The following PPP2R5E variants were observed in gnomAD, a reference collection of about 807,000 sequenced individuals.
PPP2R5E encodes the protein protein phosphatase 2 regulatory subunit B'epsilon.
PPP2R5E carries 4 observed loss-of-function variants against 65.3 expected under a neutral mutation model. The ratio of observed to expected loss-of-function variants is 0.06; its 90% CI spans 0.03 to 0.14. The LOEUF (loss-of-function observed/expected upper bound fraction) is 0.14. PPP2R5E is among the 10% of genes least tolerant of loss of function. PPP2R5E has a pLI of 1.00. For missense variants in PPP2R5E, 274 were observed against 556.1 expected (o/e 0.49, Z 5.10); for synonymous variants, 183 against 187.4 (o/e 0.98, Z 0.19).
intron 1 of PPP2R5E, among the ~76,000 whole-genome samples, chr14:63,542,433 C>CA (rs1893938614): frequency 1.3e-5 from 2 of 152,260 alleles, no homozygotes; most frequent in Non-Finnish European, 2.9e-5. Flanking sequence ...TCCTAACCCA[C>CA]ACCCCAAGCC....
chr14:63,446,873 T>C (rs149110108), intron 3 of PPP2R5E, among the ~76,000 whole-genome samples: 10 of 151,962 alleles, frequency 6.6e-5, no homozygotes, highest in Non-Finnish European at 1.3e-4. Context: ...ATTCATCTCC[T>C]TGTATATCTC....
At chr14:63,493,905 T>C (rs1363865175) in intron 2 of PPP2R5E, among the ~76,000 whole-genome samples, 1 of 152,170 alleles carries the variant, frequency 6.6e-6, no homozygotes, top group East Asian at 1.9e-4. Context: ...GGTTACTTGT[T>C]CTTTTTAAAA....
At position 63,388,409 on chromosome 14, in the gene PPP2R5E, G is replaced by A. The variant is rs530695304; in HGVS notation, c.1074+1203C>T. On this transcript the variant is annotated intron_variant, in intron 11 of 13. Coordinates refer to ENST00000337537, the MANE Select transcript of PPP2R5E (RefSeq NM_006246.5). The stretch of plus-strand genomic sequence containing the variant: ...CCGCCTCAGCCTCCCAAAGTGCTGG[G>A]ATCACAGGCATGAGCCACTGCGCCC... Among the ~76,000 whole-genome samples, 32 of 152,210 alleles carry A rather than the reference G, an allele frequency of 2.1e-4. No homozygotes were observed. The South Asian group carries it at 6.4e-3, about 31-fold the overall frequency.
At chr14:63,473,898 G>C (rs2139567593) in intron 2 of PPP2R5E, among the ~76,000 whole-genome samples, 1 of 152,294 alleles carries the variant, frequency 6.6e-6, no homozygotes. Context: ...GTAAAGAGAA[G>C]GAACCTGGAT....
intron 5 of PPP2R5E, among the ~76,000 whole-genome samples, chr14:63,400,722 A>G (rs980337640): frequency 8.2e-5 from 11 of 134,250 alleles, no homozygotes; most frequent in Non-Finnish European, 1.1e-4. Flanking sequence ...CCCCATATAG[A>G]CTCAGTATCT....
At chr14:63,400,901 T>C (rs953441030) in intron 5 of PPP2R5E, among the ~76,000 whole-genome samples, 2 of 152,172 alleles carry the variant, frequency 1.3e-5, no homozygotes, top group African/African-American at 4.8e-5. Flanking sequence ...AATGAATAAC[T>C]TGTAACCAAC....
intron 5 of PPP2R5E, among the ~76,000 whole-genome samples, chr14:63,405,502 T>G (rs947684167): frequency 1.3e-5 from 2 of 152,222 alleles, no homozygotes; most frequent in African/African-American, 4.8e-5. Flanking sequence ...ACCTTTCAGC[T>G]AAATATAACA....
chr14:63,477,492 C>A, intron 2 of PPP2R5E, among the ~76,000 whole-genome samples: 1 of 149,554 alleles, frequency 6.7e-6, no homozygotes. Context: ...CACCCAAGGT[C>A]ATAATGGCAA....
chr14:63,473,013 G>A (rs1433840250), intron 2 of PPP2R5E, among the ~76,000 whole-genome samples: 1 of 152,180 alleles, frequency 6.6e-6, no homozygotes, highest in Non-Finnish European at 1.5e-5. Flanking sequence ...GATGGCCGTG[G>A]AAGAATAGAA....
chr14:63,532,817 T>G (rs1192074586), intron 2 of PPP2R5E, among the ~76,000 whole-genome samples: 2 of 152,182 alleles, frequency 1.3e-5, no homozygotes, highest in Non-Finnish European at 2.9e-5. Flanking sequence ...ACCACTAAAA[T>G]AGATGACATT....
At chr14:63,420,925 C>T (rs1460341018) in intron 4 of PPP2R5E, among the ~76,000 whole-genome samples, 4 of 128,204 alleles carry the variant, frequency 3.1e-5, no homozygotes, top group Admixed American at 2.2e-4. Context: ...TAGTGGCGGG[C>T]GCCTGTAGTC....
chr14:63,538,814 G>A (rs905366413), intron 2 of PPP2R5E, among the ~76,000 whole-genome samples: 2 of 151,438 alleles, frequency 1.3e-5, no homozygotes, highest in Non-Finnish European at 2.9e-5. Context: ...GCATGGTGGC[G>A]GGCACCTGTG....
At position 63,539,544 on chromosome 14, in the gene PPP2R5E, G is replaced by A. The variant is rs768151204; in HGVS notation, c.142C>T (p.Leu48=). 2 of 1,613,898 alleles carry A rather than the reference G, an allele frequency of 1.2e-6. No homozygotes were observed. Among genetic ancestry groups the A allele is most frequent in the Non-Finnish European group, 8.5e-7 (1 of 1,179,826 alleles). Residue 48 remains leucine, a synonymous_variant, in exon 2 of 14, where the codon CTG becomes TTG. Transcript: ENST00000337537. ...SQGKPIELTP[L]PLLKDVPSSE... is the part of the protein sequence containing the mutation. ...TGAGCCTTACCTTTTAGCAGCGGCA[G>A]AGGTGTTAACTCAATAGGCTTGCCT...
rs186396731 is a variant in PPP2R5E, at chr14:63,404,461, A to G, written c.550-7745T>C. Among the ~76,000 whole-genome samples, 199 of 152,332 alleles carry G rather than the reference A, an allele frequency of 1.3e-3. 1 individual carries two copies. Among genetic ancestry groups the G allele is most frequent in the Non-Finnish European group, 1.4e-3 (95 of 68,026 alleles). On this transcript the variant is annotated intron_variant, in intron 5 of 13. Transcript: ENST00000337537. ...CCTCATACTTTCACCTTGGCCAAATACAGAGAAAACAGCCCAGAACAAAGA... is the reference window on the plus strand; with the variant it reads ...CCTCATACTTTCACCTTGGCCAAATGCAGAGAAAACAGCCCAGAACAAAGA...
intron 2 of PPP2R5E, among the ~76,000 whole-genome samples, chr14:63,502,273 C>T (rs938370780): frequency 1.3e-5 from 2 of 152,054 alleles, no homozygotes; most frequent in Non-Finnish European, 2.9e-5. Flanking sequence ...AGGTGCTGCC[C>T]GGCCTCCTGA....
chr14:63,525,427 CA>C (rs761902353), intron 2 of PPP2R5E, among the ~76,000 whole-genome samples: 3 of 152,126 alleles, frequency 2.0e-5, no homozygotes, highest in Non-Finnish European at 4.4e-5. Context: ...TATTTGGTAT[CA>C]AAAAGAATCA....
In PPP2R5E at chr14:63,410,634, C is replaced by T. The variant is rs553663261; in HGVS notation, c.549+4506G>A. Among the ~76,000 whole-genome samples, 29 of 152,170 alleles carry T rather than the reference C, an allele frequency of 1.9e-4. No homozygotes were observed. In the South Asian group the frequency reaches 3.7e-3, roughly 20 times the overall value. The stretch of plus-strand genomic sequence containing the variant: ...GCCCCCTCTTAGAAGGCACCGGGAG[C>T]GAAGGTAAGTCATCAGCAGACTAAA... On this transcript the variant is annotated intron_variant, in intron 5 of 13. Transcript: ENST00000337537.
intron 2 of PPP2R5E, among the ~76,000 whole-genome samples, chr14:63,536,528 C>G (rs182900248): frequency 6.6e-6 from 1 of 152,052 alleles, no homozygotes; most frequent in Non-Finnish European, 1.5e-5. Flanking sequence ...TGGGTACATA[C>G]CCAAAAGAAA....
At chr14:63,471,415 G>A (rs1890125445) in intron 2 of PPP2R5E, among the ~76,000 whole-genome samples, 1 of 152,126 alleles carries the variant, frequency 6.6e-6, no homozygotes, top group Non-Finnish European at 1.5e-5. Flanking sequence ...GACAGGTCAG[G>A]TATTAGAAAA....
Sources: gnomAD v4.1 joint callset for allele counts (sites outside exome capture counted in the v4.1 genomes callset) on GRCh38, gnomAD v4.1.1 for gene constraint, MANE v1.5 for transcripts, NCBI Gene and HGNC (gene_info 2026-07-23, HGNC 2026-07-21) for gene names.